CCDC122: variants seen among roughly 807,000 people sequenced by gnomAD.
The protein encoded by CCDC122 is coiled-coil domain-containing protein 122.
Under a neutral mutation model 37.0 loss-of-function variants are expected in CCDC122, and 38 were observed. The ratio of observed to expected loss-of-function variants is 1.03; its 90% CI spans 0.79 to 1.35. The LOEUF is 1.35. CCDC122 is among the 40% of genes most tolerant of loss of function. CCDC122 has a pLI of 0.00. For missense variants in CCDC122, 305 were observed against 310.0 expected (o/e 0.98, Z 0.12); for synonymous variants, 83 against 95.6 (o/e 0.87, Z 0.77).
At chr13:43,844,384 A>G (rs1018125499) in intron 6 of CCDC122, among the ~76,000 whole-genome samples, 2 of 151,988 alleles carry the variant, frequency 1.3e-5, no homozygotes, top group Admixed American at 6.6e-5. Context: ...CTGCTGTGAT[A>G]ATAGAATTTC....
intron 2 of CCDC122, among the ~76,000 whole-genome samples, chr13:43,872,384 T>G (rs1413880801): frequency 6.6e-6 from 1 of 152,128 alleles, no homozygotes; most frequent in African/African-American, 2.4e-5. Context: ...CATGCAACTA[T>G]GCTGTTGACT....
At chr13:43,819,687 A>T (rs548950126), downstream of CCDC122, among the ~76,000 whole-genome samples, 104 of 152,298 alleles carry the variant, frequency 6.8e-4, no homozygotes, top group Non-Finnish European at 1.0e-3. Flanking sequence ...AATCAAAAAA[A>T]TAAAAATTGT....
intron 4 of CCDC122, among the ~76,000 whole-genome samples, chr13:43,866,479 C>T (rs1486497358): frequency 6.6e-6 from 1 of 152,160 alleles, no homozygotes; most frequent in Non-Finnish European, 1.5e-5. Flanking sequence ...CAAAAGCCTG[C>T]TGAAATTTTG....
downstream of CCDC122, among the ~76,000 whole-genome samples, chr13:43,832,114 G>A (rs1211216178): frequency 8.1e-6 from 1 of 123,100 alleles, no homozygotes; most frequent in Non-Finnish European, 1.7e-5. Context: ...TCCTTACATT[G>A]CCATATTTAT....
At chr13:43,845,836 T>C (rs557334236) in intron 6 of CCDC122, among the ~76,000 whole-genome samples, 68 of 152,348 alleles carry the variant, frequency 4.5e-4, no homozygotes, top group Non-Finnish European at 7.2e-4. Flanking sequence ...TTTTTAGTTC[T>C]AAGATTTCCA....
At chr13:43,825,334 A>T (rs1167656168) in intron 3 of CCDC122, among the ~76,000 whole-genome samples, 1 of 152,218 alleles carries the variant, frequency 6.6e-6, no homozygotes, top group Non-Finnish European at 1.5e-5. Context: ...TGTCACTTAT[A>T]ACTGGGAGCT....
At chr13:43,831,965 C>A (rs1191476076), downstream of CCDC122, among the ~76,000 whole-genome samples, 3 of 146,288 alleles carry the variant, frequency 2.1e-5, no homozygotes, top group South Asian at 4.4e-4. Context: ...TTTGAAGCGG[C>A]CTATTCTTAG....
intron 1 of CCDC122, among the ~76,000 whole-genome samples, chr13:43,877,069 T>C (rs1733389095): frequency 6.6e-6 from 1 of 152,324 alleles, no homozygotes; most frequent in Admixed American, 6.5e-5. Context: ...ATCGCACCAC[T>C]GTACTACAGC....
downstream of CCDC122, among the ~76,000 whole-genome samples, chr13:43,833,811 GA>G (rs1355024557): frequency 6.6e-6 from 1 of 151,614 alleles, no homozygotes; most frequent in Non-Finnish European, 1.5e-5. Flanking sequence ...CTTCCATGCA[GA>G]AAAAAAACGA....
chr13:43,845,007 T>G (rs886182068), intron 6 of CCDC122, among the ~76,000 whole-genome samples: 5 of 152,174 alleles, frequency 3.3e-5, no homozygotes, highest in African/African-American at 9.6e-5. Flanking sequence ...ACCATCATAA[T>G]GTTTGTCTTC....
In CCDC122 at chr13:43,860,028, C is replaced by T. The variant is rs768814089; in HGVS notation, c.199G>A (p.Ala67Thr). The T allele has an allele frequency of 8.3e-6, 13 of 1,559,948 alleles. No homozygotes were observed. The South Asian group carries it at 1.5e-4, about 18-fold the overall frequency. ...ELEKEIAAIS[A>T]ETKETERQIY... ...TGTCTTTCTGTTTCTTTAGTTTCTGCAGAGATAGCTGCTATTTCTTTTTCA... is the reference window on the plus strand; with the variant it reads ...TGTCTTTCTGTTTCTTTAGTTTCTGTAGAGATAGCTGCTATTTCTTTTTCA... Residue 67 changes from alanine to threonine, a missense_variant, in exon 5 of 7, where the codon GCA (alanine) becomes ACA (threonine). Transcript: ENST00000444614.
intron 6 of CCDC122, among the ~76,000 whole-genome samples, chr13:43,849,849 G>A (rs1278489622): frequency 6.6e-6 from 1 of 152,196 alleles, no homozygotes; most frequent in Non-Finnish European, 1.5e-5. Context: ...GGAGCCAGGA[G>A]TTTTAACTGT....
At chr13:43,833,826 AGAG>A (rs1953113585), downstream of CCDC122, among the ~76,000 whole-genome samples, 22 of 152,310 alleles carry the variant, frequency 1.4e-4, no homozygotes, top group South Asian at 4.4e-3. Context: ...AAAACGAAGA[AGAG>A]GAGAATTTTG....
intron 4 of CCDC122, among the ~76,000 whole-genome samples, chr13:43,865,697 T>G (rs1308184342): frequency 6.6e-6 from 1 of 152,120 alleles, no homozygotes; most frequent in East Asian, 1.9e-4. Flanking sequence ...ACTCCCGACC[T>G]CAAGTTATCC....
At chr13:43,823,293 T>A (rs73463562), downstream of CCDC122, among the ~76,000 whole-genome samples, 1 of 152,058 alleles carries the variant, frequency 6.6e-6, no homozygotes, top group Admixed American at 6.6e-5. Flanking sequence ...CCTGTCTCAC[T>A]GTGGCTGGGC....
chr13:43,820,971 T>C (rs1952988895), downstream of CCDC122, among the ~76,000 whole-genome samples: 1 of 152,256 alleles, frequency 6.6e-6, no homozygotes. Flanking sequence ...CAATGTTTGA[T>C]ATCAACTTAT....
At position 43,869,474 on chromosome 13, in the gene CCDC122, T is replaced by C; in HGVS notation, c.-98A>G. ...AATCTTTCACTTTTGTTTTTTCCTG[T>C]TGTATATTGGTGATCCTGAAAGGTA... is the stretch of plus-strand genomic sequence containing the variant. On this transcript the variant is annotated 5_prime_UTR_variant, in exon 3 of 7. Coordinates refer to ENST00000444614, the MANE Select transcript of CCDC122 (RefSeq NM_144974.5). 1 of 946,724 alleles carries C rather than the reference T, an allele frequency of 1.1e-6. No homozygotes were observed. The highest frequency in any genetic ancestry group is 1.6e-6 in the Non-Finnish European group (1 of 622,368). The allele number at this position is 946,724 out of a possible 1,614,324, so 58.6% of individuals were successfully genotyped here. A position where few individuals can be genotyped will look rare whatever the true frequency, so the allele number is the denominator to read the frequency against.
At chr13:43,830,012 A>C (rs1027533826) in intron 3 of CCDC122, among the ~76,000 whole-genome samples, 5 of 151,986 alleles carry the variant, frequency 3.3e-5, no homozygotes, top group Admixed American at 3.3e-4. Context: ...AGTAGCTGGG[A>C]TTACAGGGAC....
At chr13:43,870,571 T>C (rs1262328888) in intron 2 of CCDC122, among the ~76,000 whole-genome samples, 1 of 152,170 alleles carries the variant, frequency 6.6e-6, no homozygotes, top group Non-Finnish European at 1.5e-5. Context: ...TACTTTGTGC[T>C]AGTCACTGTT....
Sources: gnomAD v4.1 joint callset for allele counts (sites outside exome capture counted in the v4.1 genomes callset) on GRCh38, gnomAD v4.1.1 for gene constraint, MANE v1.5 for transcripts, NCBI Gene and HGNC (gene_info 2026-07-23, HGNC 2026-07-21) for gene names.